FYCO1: variants seen among roughly 807,000 people sequenced by gnomAD.
FYCO1 encodes FYVE and coiled-coil domain-containing protein 1.
A neutral mutation model predicts 165.1 loss-of-function variants in FYCO1; 122 were observed. The ratio of observed to expected loss-of-function variants is 0.74; its 90% CI spans 0.64 to 0.86. The LOEUF (loss-of-function observed/expected upper bound fraction) is 0.86. Ranked by LOEUF, FYCO1 falls within the 40% of genes least tolerant of loss-of-function variation. The pLI is 0.00. For synonymous variants in FYCO1, 648 were observed against 742.5 expected (o/e 0.87, Z 2.07); for missense variants, 1,702 against 1,810.3 (o/e 0.94, Z 1.09).
rs1322694872 is a variant in FYCO1, at chr3:45,962,319, T to A, written c.3343A>T (p.Asn1115Tyr). Reference sequence around the variant, plus strand: ...ATCTTCTGGTCATTCCTCTCACGATTTGTCACCTCCTGGCAGAGTTTGTTG... The same window carrying A: ...ATCTTCTGGTCATTCCTCTCACGATATGTCACCTCCTGGCAGAGTTTGTTG... ...YYNKLCQEVTNRERNDQKMLA... is the reference protein window; with the variant it reads ...YYNKLCQEVTYRERNDQKMLA... The change falls in exon 11 of 18, where the codon AAT becomes TAT. Residue 1115 changes from asparagine to tyrosine, a missense_variant. Transcript: ENST00000296137. This position sits in a 1 kb window ranked among gnomAD's most constrained non-coding sequence, Gnocchi z 4.4. The A allele has an allele frequency of 6.2e-7, 1 of 1,614,186 alleles. No individual in the cohort carries two copies. The highest frequency in any genetic ancestry group is 1.3e-5 in the African/African-American group (1 of 75,050).
At position 45,964,276 on chromosome 3, in the gene FYCO1, G is replaced by A; in HGVS notation, c.3269+60C>T. On this transcript the variant is annotated intron_variant, in intron 10 of 17. Transcript: ENST00000296137. The surrounding 1 kb of genome is among the most constrained non-coding windows in gnomAD (Gnocchi z 4.1). ...ATGAGTGACTGACTTTCTAAATGAC[G>A]AGACCAAACACTCCTTCCCTGAAGA... The A allele has an allele frequency of 3.1e-6, 4 of 1,290,440 alleles. No individual in the cohort carries two copies. Among genetic ancestry groups the A allele is most frequent in the East Asian group, 2.3e-5 (1 of 43,248 alleles). The allele number at this position is 1,290,440 out of a possible 1,614,324, so 79.9% of individuals were successfully genotyped here.
intron 14 of FYCO1, among the ~76,000 whole-genome samples, chr3:45,952,067 C>G (rs1366282726): frequency 6.6e-6 from 1 of 152,154 alleles, no homozygotes; most frequent in Non-Finnish European, 1.5e-5. Flanking sequence ...CAGAAGTTAT[C>G]CAGCCTCCTG....
intron 14 of FYCO1, chr3:45,946,484 G>A: frequency 6.2e-7 from 1 of 1,611,860 alleles, no homozygotes; most frequent in East Asian, 2.2e-5. Context: ...CAGACACCAT[G>A]GCAGAGCATG....
chr3:45,936,219 A>G (rs774005352), intron 15 of FYCO1, among the ~76,000 whole-genome samples: 2 of 152,206 alleles, frequency 1.3e-5, no homozygotes, highest in Non-Finnish European at 2.9e-5. Flanking sequence ...GAACTGTTCT[A>G]TATCTTAATT....
At chr3:45,970,869 T>C (rs2125856589) in intron 6 of FYCO1, among the ~76,000 whole-genome samples, 1 of 151,094 alleles carries the variant, frequency 6.6e-6, no homozygotes, top group East Asian at 1.9e-4. Flanking sequence ...TTTTAAAACA[T>C]TTACAAAATA....
At position 45,921,234 on chromosome 3, in the gene FYCO1, G is replaced by A. The variant is rs1274214368; in HGVS notation, c.*531C>T. The A allele has an allele frequency of 4.0e-5, 8 of 199,390 alleles. No homozygotes were observed. The highest frequency in any genetic ancestry group is 9.7e-5 in the South Asian group (1 of 10,270). 12.4% of individuals were successfully genotyped at this position (199,390 alleles called of 1,614,324 possible). On this transcript the variant is annotated 3_prime_UTR_variant, in exon 18 of 18. Transcript: ENST00000296137. ...ACTGGAGGAGCTGGTCAGGATCTCC[G>A]GGGGGTCCCCTGGCACCGACTCGCA...
In FYCO1 at chr3:45,967,480, G is replaced by C; in HGVS notation, c.1854C>G (p.Asn618Lys). 6.2e-7 allele frequency: 1 copy of C among 1,613,692 alleles called. No homozygotes were observed. Among genetic ancestry groups the C allele is most frequent in the Non-Finnish European group, 8.5e-7 (1 of 1,179,994 alleles). The change falls in exon 8 of 18, where the codon AAC (asparagine) becomes AAG (lysine). Residue 618 changes from asparagine to lysine, a missense_variant. Coordinates refer to ENST00000296137, the MANE Select transcript of FYCO1 (RefSeq NM_024513.4). ...TCTGTAGCTCCTTCTCCAGCTCCCT[G>C]TTGGCCTGCCGGAGCTCTTCCTCCT... is the stretch of plus-strand genomic sequence containing the variant. ...GSQEEELRQA[N>K]RELEKELQNV... is the part of the protein sequence containing the mutation.
chr3:45,946,561 T>G (rs1238857286), intron 14 of FYCO1: 2 of 1,614,236 alleles, frequency 1.2e-6, no homozygotes, highest in South Asian at 1.1e-5. Context: ...CAAGACTTCC[T>G]GCAGTTCAGC....
chr3:45,977,211 A>G (rs1050779266), intron 4 of FYCO1, among the ~76,000 whole-genome samples: 2 of 151,928 alleles, frequency 1.3e-5, no homozygotes, highest in African/African-American at 4.8e-5. Flanking sequence ...ATCACAGCCC[A>G]GGTCTGTAAG....
intron 1 of FYCO1, 38 bp downstream of exon 1, chr3:45,995,684 G>C (rs1707771146): frequency 6.5e-6 from 1 of 152,748 alleles, no homozygotes; most frequent in African/African-American, 2.4e-5. Flanking sequence ...AGCGACCCAG[G>C]TGCCCCCAGA....
intron 2 of FYCO1, among the ~76,000 whole-genome samples, chr3:45,984,120 G>T (rs758356621): frequency 6.6e-6 from 1 of 152,166 alleles, no homozygotes; most frequent in African/African-American, 2.4e-5. Flanking sequence ...GTGTCCTAGA[G>T]CTCCGAAGAG....
Position 45,944,214 on chromosome 3 carries a change from G to A in FYCO1, c.3945-7671C>T, listed in dbSNP as rs56132221. Among the ~76,000 whole-genome samples, 495 of 151,680 alleles carry A rather than the reference G, an allele frequency of 3.3e-3. 5 individuals carry two copies. Among genetic ancestry groups the A allele is most frequent in the Admixed American group, 0.024 (359 of 15,194 alleles). On this transcript the variant is annotated intron_variant, in intron 14 of 17. Coordinates refer to ENST00000296137, the MANE Select transcript of FYCO1 (RefSeq NM_024513.4). ...TGTGTGTCTGTGTGTGTGTGTGTGT[G>A]TGTATATATATATACATTATTTCTG...
At chr3:45,948,743 G>C (rs187381870) in intron 14 of FYCO1, among the ~76,000 whole-genome samples, 19 of 152,332 alleles carry the variant, frequency 1.2e-4, no homozygotes, top group African/African-American at 4.6e-4. Context: ...CAGAGAAGTA[G>C]GCCAGAACTG....
Position 45,944,216 on chromosome 3 carries a change from G to GTA in FYCO1, c.3945-7675_3945-7674dup, listed in dbSNP as rs57390542. ...TGTGTCTGTGTGTGTGTGTGTGTGT[G>GTA]TATATATATATACATTATTTCTGAG... is the stretch of plus-strand genomic sequence containing the variant. On this transcript the variant is annotated intron_variant, in intron 14 of 17. Coordinates refer to ENST00000296137, the MANE Select transcript of FYCO1 (RefSeq NM_024513.4). Among the ~76,000 whole-genome samples, 562 of 140,468 alleles carry GTA rather than the reference G, an allele frequency of 4.0e-3. 4 individuals carry two copies. Among genetic ancestry groups the GTA allele is most frequent in the East Asian group, 0.016 (80 of 5,092 alleles). The allele number at this position is 140,468 out of a possible 152,430, so 92.2% of individuals were successfully genotyped here.
At chr3:45,942,846 G>T (rs1235985925) in intron 14 of FYCO1, among the ~76,000 whole-genome samples, 1 of 152,212 alleles carries the variant, frequency 6.6e-6, no homozygotes, top group African/African-American at 2.4e-5. Flanking sequence ...GTGCCTGAGT[G>T]GTGTGGGCTT....
rs1011390681 is a variant in FYCO1 at position 45,962,959 on chromosome 3, T to C, written c.3270-567A>G. The stretch of plus-strand genomic sequence containing the variant: ...GGGTGCTGCAGGGTGTCTCAGTCTA[T>C]AGCAGAGGGAGCTGGCTGAATCTCG... On this transcript the variant is annotated intron_variant, in intron 10 of 17. Transcript: ENST00000296137. The surrounding 1 kb of genome is among the most constrained non-coding windows in gnomAD (Gnocchi z 4.4). Among the ~76,000 whole-genome samples, 5 of 152,146 alleles carry C rather than the reference T, an allele frequency of 3.3e-5. No individual in the cohort carries two copies. Among genetic ancestry groups the C allele is most frequent in the African/African-American group, 1.2e-4 (5 of 41,424 alleles).
chr3:45,966,925 C>T lies in FYCO1; in HGVS notation c.2409G>A (p.Leu803=), dbSNP rs765410239. The change falls in exon 8 of 18, where the codon CTG becomes CTA. Residue 803 remains leucine (L), a synonymous_variant. Coordinates refer to ENST00000296137, the MANE Select transcript of FYCO1 (RefSeq NM_024513.4). ...VDLQAKMRAA[L]DDQDKVQSQL... is the part of the protein sequence containing the mutation. ...GGCTCTGCACCTTGTCCTGGTCATC[C>T]AGGGCTGCCCGCATCTTGGCCTGGA... 19 of 1,613,788 alleles carry T rather than the reference C, an allele frequency of 1.2e-5. No individual in the cohort carries two copies. The highest frequency in any genetic ancestry group is 1.7e-5 in the Admixed American group (1 of 60,032).
At chr3:45,975,502 T>C (rs1051397065) in intron 4 of FYCO1, among the ~76,000 whole-genome samples, 157 bp from the exon 5 acceptor site, 1 of 152,248 alleles carries the variant, frequency 6.6e-6, no homozygotes, top group Admixed American at 6.5e-5. Flanking sequence ...ACACATTTGA[T>C]ACTCTTACCG....
intron 14 of FYCO1, among the ~76,000 whole-genome samples, chr3:45,952,472 G>A (rs376999472): frequency 6.6e-6 from 1 of 152,162 alleles, no homozygotes; most frequent in Admixed American, 6.5e-5. Flanking sequence ...CAAAAAAAGT[G>A]TCTGACAACG....
Sources: gnomAD v4.1 joint callset for allele counts (sites outside exome capture counted in the v4.1 genomes callset) on GRCh38, gnomAD v4.1.1 for gene constraint, Gnocchi (gnomAD v3.1) non-coding constraint, MANE v1.5 for transcripts, NCBI Gene and HGNC (gene_info 2026-07-23, HGNC 2026-07-21) for gene names.